Variants in IGF1R observed in about 807,000 individuals in gnomAD.
IGF1R encodes the protein insulin-like growth factor 1 receptor.
IGF1R carries 44 observed loss-of-function variants against 144.6 expected under a neutral mutation model. The ratio of observed to expected loss-of-function variants is 0.30; its 90% CI spans 0.24 to 0.39. IGF1R has a LOEUF of 0.39. IGF1R is among the 10% of genes least tolerant of loss of function. IGF1R has a pLI of 1.00. For synonymous variants in IGF1R, 795 were observed against 722.8 expected (o/e 1.10, Z -1.60); for missense variants, 1,355 against 1,833.7 (o/e 0.74, Z 4.77).
At chr15:98,768,344 C>T (rs1296412262) in intron 2 of IGF1R, among the ~76,000 whole-genome samples, 1 of 152,150 alleles carries the variant, frequency 6.6e-6, no homozygotes, top group African/African-American at 2.4e-5. Flanking sequence ...TGGCCAGGCG[C>T]GGTGGCTTAC....
At chr15:98,921,410 T>G (rs1035183886) in intron 10 of IGF1R, among the ~76,000 whole-genome samples, 1 of 152,166 alleles carries the variant, frequency 6.6e-6, no homozygotes, top group Admixed American at 6.5e-5. Context: ...TGCTTTTCGG[T>G]TGTTCCAAGC....
At chr15:98,790,642 G>C (rs140249824) in intron 2 of IGF1R, among the ~76,000 whole-genome samples, 17 of 152,108 alleles carry the variant, frequency 1.1e-4, no homozygotes, top group Non-Finnish European at 1.0e-4. Flanking sequence ...TCTGTGCCTC[G>C]AGGGGCTATG....
chr15:98,871,286 GT>G (rs1321594498), intron 2 of IGF1R, among the ~76,000 whole-genome samples: 1 of 152,192 alleles, frequency 6.6e-6, no homozygotes, highest in East Asian at 1.9e-4. Context: ...GAATAGAATT[GT>G]TTAGCATCGT....
intron 2 of IGF1R, among the ~76,000 whole-genome samples, chr15:98,765,769 T>C (rs1464216156): frequency 1.3e-5 from 2 of 152,118 alleles, no homozygotes; most frequent in Non-Finnish European, 2.9e-5. Flanking sequence ...TACCCTAGGG[T>C]TGTAGAAATT....
At chr15:98,784,264 CTT>C (rs1445933608) in intron 2 of IGF1R, among the ~76,000 whole-genome samples, 1 of 151,936 alleles carries the variant, frequency 6.6e-6, no homozygotes, top group Non-Finnish European at 1.5e-5. Flanking sequence ...TATAAAAAGT[CTT>C]TTTTCAGCTC....
intron 2 of IGF1R, among the ~76,000 whole-genome samples, chr15:98,848,361 A>C (rs575179458): frequency 2.6e-5 from 4 of 152,294 alleles, no homozygotes; most frequent in Admixed American, 2.6e-4. Flanking sequence ...GTTCACACTA[A>C]AGTGCCAGTC....
intron 13 of IGF1R, among the ~76,000 whole-genome samples, chr15:98,927,410 A>G (rs1180874243): frequency 6.6e-6 from 1 of 152,212 alleles, no homozygotes; most frequent in Non-Finnish European, 1.5e-5. Context: ...TTCCAGATGA[A>G]ATAATCTCAG....
chr15:98,903,074 G>A (rs2014565160), intron 5 of IGF1R, among the ~76,000 whole-genome samples: 1 of 152,162 alleles, frequency 6.6e-6, no homozygotes, highest in Non-Finnish European at 1.5e-5. Flanking sequence ...CTAGAGTAAT[G>A]ACCTTAGACA....
intron 2 of IGF1R, among the ~76,000 whole-genome samples, chr15:98,730,500 C>T (rs567056213): frequency 6.6e-6 from 1 of 152,296 alleles, no homozygotes; most frequent in Admixed American, 6.5e-5. Context: ...CTGATTTTGA[C>T]TCTGTTGGCT....
chr15:98,953,288 C>T (rs985011897), intron 20 of IGF1R, among the ~76,000 whole-genome samples: 1 of 152,174 alleles, frequency 6.6e-6, no homozygotes, highest in Non-Finnish European at 1.5e-5. Context: ...ACTCCGTGGT[C>T]CCCAAGCCAC....
intron 2 of IGF1R, among the ~76,000 whole-genome samples, chr15:98,767,105 A>T (rs1306991883): frequency 6.6e-6 from 1 of 151,972 alleles, no homozygotes; most frequent in Admixed American, 6.6e-5. Context: ...ATTAGAATTC[A>T]TTTATTTTTT....
intron 2 of IGF1R, among the ~76,000 whole-genome samples, chr15:98,742,244 C>T (rs45574240): frequency 6.6e-6 from 1 of 152,310 alleles, no homozygotes; most frequent in South Asian, 2.1e-4. Context: ...CAAGGTTAGC[C>T]TAGGCCTGGA....
At chr15:98,656,497 C>G (rs957060681) in intron 1 of IGF1R, among the ~76,000 whole-genome samples, 1 of 152,118 alleles carries the variant, frequency 6.6e-6, no homozygotes, top group African/African-American at 2.4e-5. Context: ...TGCAGTGAGC[C>G]AAGATGATGC....
chr15:98,951,409 C>G (rs932720163), intron 20 of IGF1R, among the ~76,000 whole-genome samples: 3 of 152,242 alleles, frequency 2.0e-5, no homozygotes, highest in African/African-American at 7.2e-5. Flanking sequence ...AGTACCTTTT[C>G]TTGCCCAGTA....
At chr15:98,816,393 A>C (rs1175164879) in intron 2 of IGF1R, among the ~76,000 whole-genome samples, 1 of 152,168 alleles carries the variant, frequency 6.6e-6, no homozygotes, top group Non-Finnish European at 1.5e-5. Context: ...CCCCCTTTTC[A>C]GGGAGCCAGT....
At chr15:98,761,070 C>A (rs1405748365) in intron 2 of IGF1R, among the ~76,000 whole-genome samples, 1 of 152,244 alleles carries the variant, frequency 6.6e-6, no homozygotes, top group African/African-American at 2.4e-5. Context: ...CACCACCTGG[C>A]CTCTGTGCCA....
intron 2 of IGF1R, among the ~76,000 whole-genome samples, chr15:98,877,369 G>C (rs1596385814): frequency 6.6e-6 from 1 of 152,104 alleles, no homozygotes; most frequent in Non-Finnish European, 1.5e-5. Context: ...CACAGGTAAT[G>C]CAGATGGCCA....
intron 1 of IGF1R, 21 bp downstream of exon 1, chr15:98,649,696 C>G (rs781293654): frequency 6.4e-7 from 1 of 1,572,760 alleles, no homozygotes; most frequent in Non-Finnish European, 8.7e-7. Flanking sequence ...GCCCGCCGCC[C>G]GCGGCCACTG....
chr15:98,702,430 A>G (rs1458761011), intron 1 of IGF1R, among the ~76,000 whole-genome samples: 2 of 152,062 alleles, frequency 1.3e-5, no homozygotes, highest in Non-Finnish European at 2.9e-5. Flanking sequence ...GACTTGTTGC[A>G]ACGTCTGCCT....
Sources: gnomAD v4.1 joint callset for allele counts (sites outside exome capture counted in the v4.1 genomes callset) on GRCh38, gnomAD v4.1.1 for gene constraint, MANE v1.5 for transcripts, NCBI Gene and HGNC (gene_info 2026-07-23, HGNC 2026-07-21) for gene names.